The following GANC variants were observed in gnomAD, a reference collection of about 807,000 sequenced individuals.
GANC encodes neutral alpha-glucosidase C.
A neutral mutation model predicts 124.2 loss-of-function variants in GANC; 117 were observed. The observed-to-expected ratio is 0.94, with a 90% CI of 0.81 to 1.10. The LOEUF is 1.10. GANC is among the 50% of genes least tolerant of loss of function. GANC has a pLI of 0.00. For synonymous variants in GANC, 377 were observed against 376.8 expected, an observed-to-expected ratio of 1.00 and a Z score of -0.01; for missense variants, 1,140 against 1,095.0, an observed-to-expected ratio of 1.04 and a Z score of -0.58.
chr15:42,330,508 A>T, intron 14 of GANC, 68 bp from the exon 15 acceptor site: 1 of 1,076,494 alleles, frequency 9.3e-7, no homozygotes. Flanking sequence ...TGTATGTTAG[A>T]TAGCTTATTG....
chr15:42,343,391 T>G (rs2052341568), intron 19 of GANC: 2 of 494,182 alleles, frequency 4.0e-6, no homozygotes, highest in East Asian at 7.2e-5. Flanking sequence ...ATTTTTAGTC[T>G]TCACACTTTG....
chr15:42,293,528 C>CTTTTTTTTTTT (rs1566951280), intron 5 of GANC, among the ~76,000 whole-genome samples: 3 of 151,812 alleles, frequency 2.0e-5, no homozygotes, highest in African/African-American at 7.3e-5. Flanking sequence ...CAACTCATTT[C>CTTTTTTTTTTT]TGTTTTAAAA....
At chr15:42,336,029 A>G (rs1345114929) in intron 15 of GANC, among the ~76,000 whole-genome samples, 3 of 152,162 alleles carry the variant, frequency 2.0e-5, no homozygotes, top group African/African-American at 7.2e-5. Flanking sequence ...TATTGTTGAA[A>G]TGGCCATACT....
intron 19 of GANC, chr15:42,343,465 C>A: frequency 3.4e-6 from 1 of 293,110 alleles, no homozygotes; most frequent in Non-Finnish European, 6.5e-6. Flanking sequence ...CTTCAGTCTG[C>A]TATGAGGTAT....
intron 1 of GANC, among the ~76,000 whole-genome samples, chr15:42,276,020 C>G (rs1014731314): frequency 7.9e-5 from 12 of 152,214 alleles, no homozygotes; most frequent in East Asian, 1.9e-4. Flanking sequence ...TTTGGTTTTC[C>G]TCCTTCAGAT....
chr15:42,281,005 C>T (rs987449729), intron 3 of GANC: 2 of 702,424 alleles, frequency 2.8e-6, no homozygotes, highest in African/African-American at 3.5e-5. Context: ...GATCTCAGCA[C>T]AAGACAGCAC....
At chr15:42,344,043 C>T (rs538372008) in intron 19 of GANC, among the ~76,000 whole-genome samples, 61 of 152,316 alleles carry the variant, frequency 4.0e-4, no homozygotes, top group South Asian at 3.9e-3. Flanking sequence ...AGCCAGGCCA[C>T]GCTTGCTGCT....
At chr15:42,311,761 C>G (rs1031131575) in intron 10 of GANC, among the ~76,000 whole-genome samples, 1 of 152,114 alleles carries the variant, frequency 6.6e-6, no homozygotes, top group African/African-American at 2.4e-5. Context: ...CCAGTCATCT[C>G]CCACCAGGCT....
At chr15:42,336,638 C>G (rs1213578328) in intron 15 of GANC, among the ~76,000 whole-genome samples, 1 of 152,168 alleles carries the variant, frequency 6.6e-6, no homozygotes, top group African/African-American at 2.4e-5. Context: ...CAAATGGGAT[C>G]TAATTAAACT....
Position 42,340,705 on chromosome 15 carries a change from G to C in GANC, c.2103G>C (p.Glu701Asp). Residue 701 changes from glutamate to aspartate, a missense_variant, in exon 18 of 24, where the codon GAG becomes GAC. By Grantham distance (45) the Glu-to-Asp change is conservative. Transcript: ENST00000318010. The part of the protein sequence containing the change: ...SQPVMRPLWV[E>D]FPDELKTFDM... ...CTTTCCCCAGGCCTCTGTGGGTAGA[G>C]TTCCCTGATGAACTAAAGACTTTTG... 6 of 1,606,204 alleles carry C rather than the reference G, an allele frequency of 3.7e-6. No homozygotes were observed. Among genetic ancestry groups the C allele is most frequent in the Non-Finnish European group, 5.1e-6 (6 of 1,178,166 alleles).
chr15:42,351,217 C>A, intron 22 of GANC, 112 bp from the exon 23 acceptor site: 1 of 720,612 alleles, frequency 1.4e-6, no homozygotes, highest in South Asian at 1.6e-5. Context: ...CCATATGGAT[C>A]ATGCCTCCAA....
rs1478191604 is a variant in GANC at position 42,353,655 on chromosome 15, C to T, written c.*1516C>T. 7.1e-6 allele frequency: 7 copies of T among 985,274 alleles called. No homozygotes were observed. In the East Asian group the frequency reaches 4.5e-4, roughly 64 times the overall value. The allele number at this position is 985,274 out of a possible 1,614,324, so 61.0% of individuals were successfully genotyped here. On this transcript the variant is annotated 3_prime_UTR_variant, in exon 24 of 24. Coordinates refer to ENST00000318010, the MANE Select transcript of GANC (RefSeq NM_198141.3). ...GTGGATTTAATTGATTAAAAAATTA[C>T]GATTGAATGTATTTCCATCTGATTT...
Position 42,343,073 on chromosome 15 carries a change from C to T in GANC, c.2153-5C>T, listed in dbSNP as rs762763113. 2 of 1,612,186 alleles carry T rather than the reference C, an allele frequency of 1.2e-6. No individual in the cohort carries two copies. The highest frequency in any genetic ancestry group is 4.5e-5 in the East Asian group (2 of 44,846). On this transcript the variant is annotated splice_region_variant and splice_polypyrimidine_tract_variant and intron_variant, in intron 18 of 23. Transcript: ENST00000318010. ...ACTCAACTTTATTTCCTCTCCATTA[C>T]TTAGGGAGTGCATTATTGGTTCATC... is the stretch of plus-strand genomic sequence containing the variant.
chr15:42,340,601 TA>T (rs369001717), intron 17 of GANC, 88 bp from the exon 18 acceptor site: 34,890 of 790,516 alleles, frequency 0.044, no homozygotes, highest in East Asian at 0.067. Context: ...GAGATCCATC[TA>T]AAAAAAAAAA....
intron 6 of GANC, among the ~76,000 whole-genome samples, chr15:42,304,073 C>T (rs915696340): frequency 1.3e-5 from 2 of 152,178 alleles, no homozygotes; most frequent in African/African-American, 4.8e-5. Flanking sequence ...CACCGCATCG[C>T]ACTTACTCTA....
In GANC at chr15:42,351,358, G is replaced by A. The variant is rs749735546; in HGVS notation, c.2561G>A (p.Ser854Asn). ...SFADQRGHYP[S>N]KCVVEKILVL... is the part of the protein sequence containing the mutation. ...GCTGACCAGAGGGGTCATTATCCCA[G>A]CAAGTGTGTGGTGGAGAAGATCTTG... The change falls in exon 23 of 24, where the codon AGC (serine) becomes AAC (asparagine). Residue 854 changes from serine to asparagine, a missense_variant. By Grantham distance (46) the Ser-to-Asn change is conservative. Transcript: ENST00000318010. The A allele has an allele frequency of 5.6e-6, 9 of 1,613,910 alleles. No individual in the cohort carries two copies. In the South Asian group the frequency reaches 8.8e-5, roughly 16 times the overall value.
In GANC at chr15:42,327,390, A is replaced by G. The variant is rs201254217; in HGVS notation, c.1448A>G (p.Asn483Ser). The G allele has an allele frequency of 3.1e-5, 50 of 1,613,116 alleles. No individual in the cohort carries two copies. Among genetic ancestry groups the G allele is most frequent in the South Asian group, 2.5e-4 (23 of 90,910 alleles). The stretch of plus-strand genomic sequence containing the variant: ...CTCTCCTCTTACCTGGATTTCACCA[A>G]TCCCAAGGTCAGAGAGTGGTATTCA... ...PGLSSYLDFT[N>S]PKVREWYSSL... Residue 483 changes from asparagine to serine, a missense_variant, in exon 13 of 24, where the codon AAT (asparagine) becomes AGT (serine). Asn to Ser is a conservative substitution (Grantham distance 46). Transcript: ENST00000318010.
At chr15:42,330,221 C>T (rs8041155) in intron 14 of GANC, among the ~76,000 whole-genome samples, 1,665 of 152,326 alleles carry the variant, frequency 0.011, 26 homozygotes, top group African/African-American at 0.037. Context: ...GTCATTTAAC[C>T]TCTCTGAAGC....
At chr15:42,295,653 CACA>C (rs2051884003) in intron 5 of GANC, among the ~76,000 whole-genome samples, 1 of 144,976 alleles carries the variant, frequency 6.9e-6, no homozygotes, top group Non-Finnish European at 1.5e-5. Flanking sequence ...CACACACACA[CACA>C]CACACACACA....
Sources: gnomAD v4.1 joint callset for allele counts (sites outside exome capture counted in the v4.1 genomes callset) on GRCh38, gnomAD v4.1.1 for gene constraint, MANE v1.5 for transcripts, NCBI Gene and HGNC (gene_info 2026-07-23, HGNC 2026-07-21) for gene names.